Variants in NDST3 observed in about 807,000 individuals in gnomAD.
NDST3 encodes N-deacetylase and N-sulfotransferase 3.
Under a neutral mutation model 96.1 loss-of-function variants are expected in NDST3, and 58 were observed. The ratio of observed to expected loss-of-function variants is 0.60; its 90% CI spans 0.49 to 0.75. The LOEUF is 0.75. NDST3 is among the 30% of genes least tolerant of loss of function. The pLI is 0.00. For missense variants in NDST3, 788 were observed against 1,034.2 expected (o/e 0.76, Z 3.27); for synonymous variants, 333 against 359.7 (o/e 0.93, Z 0.84).
At position 118,226,794 on chromosome 4, in the gene NDST3, G is replaced by T; in HGVS notation, c.1723-92G>T. On this transcript the variant is annotated intron_variant, in intron 7 of 13. Coordinates refer to ENST00000296499, the MANE Select transcript of NDST3 (RefSeq NM_004784.3). ...CTATTTTTTATCCCAGCGTTTCCTG[G>T]TATACTTTTAAAGAACACAAGTTGG... 4 of 844,196 alleles carry T rather than the reference G, an allele frequency of 4.7e-6. No homozygotes were observed. In the South Asian group the frequency reaches 6.9e-5, roughly 14 times the overall value. 52.3% of individuals were successfully genotyped at this position (844,196 alleles called of 1,614,324 possible). A position where few individuals can be genotyped will look rare whatever the true frequency, so the allele number is the denominator to read the frequency against.
At chr4:118,078,101 C>T (rs1469239033) in intron 2 of NDST3, among the ~76,000 whole-genome samples, 1 of 152,084 alleles carries the variant, frequency 6.6e-6, no homozygotes, top group Non-Finnish European at 1.5e-5. Context: ...TTGCACAGGA[C>T]CCCACGGGGC....
chr4:118,122,839 A>G (rs1731716183), intron 4 of NDST3, among the ~76,000 whole-genome samples: 1 of 152,148 alleles, frequency 6.6e-6, no homozygotes, highest in Admixed American at 6.6e-5. Flanking sequence ...TCTCCCAACC[A>G]CCTGTGAGGT....
Position 118,074,059 on chromosome 4 carries a change from T to C in NDST3, c.981+19168T>C, listed in dbSNP as rs550792074. On this transcript the variant is annotated intron_variant, in intron 2 of 13. Coordinates refer to ENST00000296499, the MANE Select transcript of NDST3 (RefSeq NM_004784.3). Reference sequence around the variant, plus strand: ...AAGAAGTCATTCAGGAGTAGGTTGCTTAATTTTCATGTAATTGTATGGTTT... The same window carrying C: ...AAGAAGTCATTCAGGAGTAGGTTGCCTAATTTTCATGTAATTGTATGGTTT... Among the ~76,000 whole-genome samples the C allele has an allele frequency of 2.6e-5, 4 of 152,332 alleles. No homozygotes were observed. In the South Asian group the frequency reaches 8.3e-4, roughly 32 times the overall value.
chr4:118,255,881 G>A lies in NDST3; in HGVS notation c.*169G>A, dbSNP rs1742092221. Reference sequence around the variant, plus strand: ...GATTAGAAAAAAAGAAAAAGTATGTGTTACAAGCCTTGAGGCCTGTGGCCT... The same window carrying A: ...GATTAGAAAAAAAGAAAAAGTATGTATTACAAGCCTTGAGGCCTGTGGCCT... On this transcript the variant is annotated 3_prime_UTR_variant, in exon 14 of 14. Transcript: ENST00000296499. 4 of 752,628 alleles carry A rather than the reference G, an allele frequency of 5.3e-6. No homozygotes were observed. In the South Asian group the frequency reaches 7.3e-5, roughly 14 times the overall value. 46.6% of individuals were successfully genotyped at this position (752,628 alleles called of 1,614,324 possible).
intron 12 of NDST3, among the ~76,000 whole-genome samples, chr4:118,243,868 G>A (rs1258023089): frequency 6.6e-6 from 1 of 152,176 alleles, no homozygotes; most frequent in Non-Finnish European, 1.5e-5. Context: ...CCACTGCTGA[G>A]AAAAGGCAGT....
intron 6 of NDST3, among the ~76,000 whole-genome samples, chr4:118,184,602 TACACA>T (rs1410140655): frequency 0.028 from 3,819 of 138,564 alleles, 85 homozygotes; most frequent in African/African-American, 0.047. Context: ...TCTCTCTCTC[TACACA>T]CACACACACA....
chr4:118,237,028 A>C lies in NDST3; in HGVS notation c.1944-18A>C. The C allele has an allele frequency of 6.4e-7, 1 of 1,552,272 alleles. No homozygotes were observed. On this transcript the variant is annotated intron_variant, in intron 9 of 13. Transcript: ENST00000296499. ...TATAAACCAGAATCTTATTTTGAGA[A>C]AAATATTCCTTTTCTAGGTATATGG...
At chr4:118,068,737 T>A (rs774640418) in intron 2 of NDST3, among the ~76,000 whole-genome samples, 9 of 152,086 alleles carry the variant, frequency 5.9e-5, no homozygotes, top group Non-Finnish European at 1.2e-4. Context: ...TATGAAGACC[T>A]GGGTCCTATT....
chr4:118,171,695 G>A (rs548807124), intron 6 of NDST3, among the ~76,000 whole-genome samples: 3 of 152,264 alleles, frequency 2.0e-5, no homozygotes, highest in Admixed American at 6.5e-5. Flanking sequence ...GGATGTCAGC[G>A]GAATTGTCCG....
intron 1 of NDST3, among the ~76,000 whole-genome samples, chr4:118,044,142 C>T (rs1386394871): frequency 6.6e-6 from 1 of 152,142 alleles, no homozygotes; most frequent in Non-Finnish European, 1.5e-5. Context: ...TAAAATGCTG[C>T]TATCTAAAAT....
chr4:118,141,435 C>T (rs1733565322), intron 5 of NDST3, among the ~76,000 whole-genome samples: 2 of 152,130 alleles, frequency 1.3e-5, no homozygotes, highest in Admixed American at 6.5e-5. Flanking sequence ...CTGACTCCCG[C>T]TAGGGCTCTC....
chr4:118,194,824 C>A, intron 6 of NDST3: 1 of 351,690 alleles, frequency 2.8e-6, no homozygotes, highest in African/African-American at 2.1e-5. Context: ...AGGGGTGCTA[C>A]CTTCAGGGTG....
chr4:118,237,180 T>A lies in NDST3; in HGVS notation c.2078T>A (p.Ile693Asn). 1 of 1,613,526 alleles carries A rather than the reference T, an allele frequency of 6.2e-7. No homozygotes were observed. Among genetic ancestry groups the A allele is most frequent in the Non-Finnish European group, 8.5e-7 (1 of 1,179,734 alleles). Residue 693 changes from isoleucine to asparagine, a missense_variant, in exon 10 of 14, where the codon ATT becomes AAT. Ile to Asn is a moderately radical substitution (Grantham distance 149, BLOSUM62 -3). Around this residue, in one of 3 missense-constraint regions of NDST3, gnomAD observed 490 missense variants for 708.8 expected, o/e 0.69. Transcript: ENST00000296499. ...GTTCCCAAAGCCAAGATTATCACCA[T>A]TCTCATTGACCCTTCAGACCGAGCA... ...SLVPKAKIITILIDPSDRAYS... is the reference protein window; with the variant it reads ...SLVPKAKIITNLIDPSDRAYS...
intron 3 of NDST3, among the ~76,000 whole-genome samples, chr4:118,111,251 C>A (rs1182147532): frequency 1.4e-4 from 22 of 152,032 alleles, no homozygotes; most frequent in Non-Finnish European, 2.9e-5. Flanking sequence ...CTTTCATATC[C>A]CAAACCTCAG....
chr4:118,158,999 C>T (rs1461818908), intron 6 of NDST3, among the ~76,000 whole-genome samples: 1 of 152,202 alleles, frequency 6.6e-6, no homozygotes, highest in African/African-American at 2.4e-5. Context: ...ACAACACTCA[C>T]TTGCCATAGT....
intron 8 of NDST3, among the ~76,000 whole-genome samples, chr4:118,228,135 G>T (rs1393974741): frequency 6.6e-6 from 1 of 152,138 alleles, no homozygotes; most frequent in African/African-American, 2.4e-5. Context: ...AATGTACACA[G>T]GGAGTTCAGC....
chr4:118,217,820 A>G (rs1049888779), intron 6 of NDST3, among the ~76,000 whole-genome samples: 1 of 152,104 alleles, frequency 6.6e-6, no homozygotes, highest in African/African-American at 2.4e-5. Context: ...TTGGTAAAAA[A>G]CAAGATTGAC....
chr4:118,166,536 C>A (rs1352161240), intron 6 of NDST3, among the ~76,000 whole-genome samples: 2 of 151,900 alleles, frequency 1.3e-5, no homozygotes, highest in Admixed American at 1.3e-4. Context: ...GGGAACTCTT[C>A]CAAACTCAGT....
chr4:118,107,095 A>C (rs4502754), intron 3 of NDST3, among the ~76,000 whole-genome samples: 107,260 of 151,210 alleles, frequency 0.71, 40,552 homozygotes, highest in South Asian at 0.88. Flanking sequence ...ATCTCAAAAT[A>C]ATAATAATAA....
Sources: gnomAD v4.1 joint callset for allele counts (sites outside exome capture counted in the v4.1 genomes callset) on GRCh38, gnomAD v4.1.1 for gene constraint, gnomAD v4.1.1 regional missense constraint, MANE v1.5 for transcripts, NCBI Gene and HGNC (gene_info 2026-07-23, HGNC 2026-07-21) for gene names.